Variants in STAG1 observed in about 807,000 individuals in gnomAD.
STAG1 encodes STAG1 cohesin complex component, also known as cohesin subunit SA-1.
A neutral mutation model predicts 170.9 loss-of-function variants in STAG1; 26 were observed. That is an observed-to-expected ratio of 0.15 (90% CI 0.11 to 0.21). The LOEUF is 0.21. STAG1 is among the 10% of genes least tolerant of loss of function. The pLI is 1.00. For synonymous variants in STAG1, 514 were observed against 497.7 expected (o/e 1.03, Z -0.44); for missense variants, 964 against 1,509.5 (o/e 0.64, Z 5.99).
At chr3:136,524,408 G>C (rs1205633096) in intron 6 of STAG1, among the ~76,000 whole-genome samples, 1 of 152,094 alleles carries the variant, frequency 6.6e-6, no homozygotes, top group East Asian at 1.9e-4. Flanking sequence ...TCTGTTACTG[G>C]TGTATAAGAA....
chr3:136,734,791 C>T (rs1934242974), intron 1 of STAG1, among the ~76,000 whole-genome samples: 1 of 152,030 alleles, frequency 6.6e-6, no homozygotes, highest in Non-Finnish European at 1.5e-5. Context: ...TTTTGTATAC[C>T]ACTGCCACAC....
At chr3:136,657,717 G>A (rs1576724873) in intron 1 of STAG1, among the ~76,000 whole-genome samples, 1 of 152,138 alleles carries the variant, frequency 6.6e-6, no homozygotes, top group African/African-American at 2.4e-5. Context: ...AGCTACTCCT[G>A]AGGCTTAAGT....
Position 136,341,723 on chromosome 3 carries a change from T to TAAGTC in STAG1, c.3447-177_3447-173dup, listed in dbSNP as rs533699884. Among the ~76,000 whole-genome samples, 28 of 152,332 alleles carry TAAGTC rather than the reference T, an allele frequency of 1.8e-4. 1 individual carries two copies. The South Asian group carries it at 4.1e-3, about 23-fold the overall frequency. ...GCAATAAGTTGCCCAAAGATATCTG[T>TAAGTC]AAGTCTCCAAGAGAAGCTGGCTGAG... On this transcript the variant is annotated intron_variant, in intron 30 of 33. Coordinates refer to ENST00000383202, the MANE Select transcript of STAG1 (RefSeq NM_005862.3).
intron 1 of STAG1, among the ~76,000 whole-genome samples, chr3:136,693,814 C>G (rs1375036955): frequency 6.6e-6 from 1 of 151,846 alleles, no homozygotes; most frequent in Non-Finnish European, 1.5e-5. Flanking sequence ...AGCCATTGAT[C>G]CTCCCACCTC....
chr3:136,464,511 C>T (rs2089395250), intron 13 of STAG1, among the ~76,000 whole-genome samples: 1 of 151,990 alleles, frequency 6.6e-6, no homozygotes, highest in Non-Finnish European at 1.5e-5. Flanking sequence ...GGTGATACTG[C>T]TTCAAATTTA....
chr3:136,616,605 G>C (rs1488389694), intron 3 of STAG1, among the ~76,000 whole-genome samples: 1 of 152,070 alleles, frequency 6.6e-6, no homozygotes, highest in African/African-American at 2.4e-5. Flanking sequence ...AATAGAAAAA[G>C]TAGTACAGAA....
intron 6 of STAG1, among the ~76,000 whole-genome samples, chr3:136,531,065 C>T (rs1361425687): frequency 6.6e-6 from 1 of 152,146 alleles, no homozygotes; most frequent in Non-Finnish European, 1.5e-5. Context: ...AGATCACGCA[C>T]TGCACTCTAG....
At chr3:136,585,913 G>A (rs1175301588) in intron 4 of STAG1, among the ~76,000 whole-genome samples, 1 of 152,146 alleles carries the variant, frequency 6.6e-6, no homozygotes, top group African/African-American at 2.4e-5. Flanking sequence ...ATTCAAGTCA[G>A]TGTACAATGA....
chr3:136,469,708 G>C (rs1457788252), intron 12 of STAG1, among the ~76,000 whole-genome samples: 1 of 152,154 alleles, frequency 6.6e-6, no homozygotes, highest in Non-Finnish European at 1.5e-5. Flanking sequence ...CAAAGCTGGA[G>C]GCATCAGGCT....
intron 9 of STAG1, among the ~76,000 whole-genome samples, chr3:136,493,675 C>A (rs986509861): frequency 4.0e-3 from 413 of 104,356 alleles, no homozygotes; most frequent in African/African-American, 7.5e-3. Context: ...AAAAAAAAAA[C>A]AACACAAATA....
intron 4 of STAG1, among the ~76,000 whole-genome samples, chr3:136,588,086 T>C (rs1937933342): frequency 6.6e-6 from 1 of 152,214 alleles, no homozygotes; most frequent in African/African-American, 2.4e-5. Flanking sequence ...GTTAACATCT[T>C]TCCCTCATAA....
intron 1 of STAG1, among the ~76,000 whole-genome samples, chr3:136,706,341 A>C (rs1214619940): frequency 1.3e-5 from 2 of 152,228 alleles, no homozygotes; most frequent in Non-Finnish European, 2.9e-5. Context: ...AAATATTCCA[A>C]AGAATCAACA....
chr3:136,544,371 G>A (rs1353868157), intron 5 of STAG1, among the ~76,000 whole-genome samples: 1 of 151,956 alleles, frequency 6.6e-6, no homozygotes, highest in African/African-American at 2.4e-5. Context: ...CTCCAACTAG[G>A]TACACAAGTA....
chr3:136,682,522 T>C (rs1020555426), intron 1 of STAG1, among the ~76,000 whole-genome samples: 3 of 151,516 alleles, frequency 2.0e-5, no homozygotes, highest in African/African-American at 7.3e-5. Context: ...AAAAACACTT[T>C]TTATAACCAA....
intron 21 of STAG1, among the ~76,000 whole-genome samples, chr3:136,410,817 T>G (rs774512645): frequency 6.6e-6 from 1 of 152,122 alleles, no homozygotes; most frequent in Non-Finnish European, 1.5e-5. Context: ...CTACTAAAAA[T>G]ACAAAAATTA....
chr3:136,634,792 TAAAC>T (rs1303808801), intron 1 of STAG1, among the ~76,000 whole-genome samples: 2 of 151,664 alleles, frequency 1.3e-5, no homozygotes, highest in African/African-American at 4.8e-5. Flanking sequence ...TTGGAAAAGG[TAAAC>T]AAAATTGACA....
intron 1 of STAG1, among the ~76,000 whole-genome samples, chr3:136,719,196 A>G (rs1056420026): frequency 1.3e-4 from 20 of 152,286 alleles, no homozygotes; most frequent in African/African-American, 4.1e-4. Flanking sequence ...AAAATACAAG[A>G]AAGTATTGAA....
At chr3:136,720,555 C>T (rs185345606) in intron 1 of STAG1, among the ~76,000 whole-genome samples, 11 of 152,174 alleles carry the variant, frequency 7.2e-5, no homozygotes, top group African/African-American at 2.2e-4. Context: ...TTTGGGAGGC[C>T]GAGGCAGGCA....
intron 1 of STAG1, among the ~76,000 whole-genome samples, chr3:136,713,722 T>C (rs945645929): frequency 3.3e-5 from 5 of 151,262 alleles, no homozygotes; most frequent in African/African-American, 4.9e-5. Context: ...ATCCTGTCTC[T>C]ACAAAAAATT....
Sources: gnomAD v4.1 joint callset for allele counts (sites outside exome capture counted in the v4.1 genomes callset) on GRCh38, gnomAD v4.1.1 for gene constraint, MANE v1.5 for transcripts, NCBI Gene and HGNC (gene_info 2026-07-23, HGNC 2026-07-21) for gene names.